Variants in CDH13 observed in about 807,000 individuals in gnomAD.
CDH13 encodes the protein cadherin 13, also known as cadherin-13.
In CDH13, 24 loss-of-function variants were observed where a neutral mutation model predicts 63.8. The observed-to-expected ratio is 0.38, with a 90% CI of 0.27 to 0.53. CDH13 has a LOEUF of 0.53. Ranked by LOEUF, CDH13 falls within the 20% of genes least tolerant of loss-of-function variation. CDH13 has a pLI of 0.85. For missense variants in CDH13, 1,049 were observed against 903.1 expected, an observed-to-expected ratio of 1.16 and a Z score of -2.07; for synonymous variants, 503 against 355.3, an observed-to-expected ratio of 1.42 and a Z score of -4.67.
At chr16:83,277,721 C>T (rs745411213) in intron 5 of CDH13, among the ~76,000 whole-genome samples, 3 of 152,012 alleles carry the variant, frequency 2.0e-5, no homozygotes, top group African/African-American at 4.8e-5. Context: ...GAAAGCCCTG[C>T]AATAGCCACT....
chr16:82,932,033 G>T (rs961904120), intron 2 of CDH13, among the ~76,000 whole-genome samples: 1 of 152,144 alleles, frequency 6.6e-6, no homozygotes, highest in African/African-American at 2.4e-5. Context: ...ACGATAGCTT[G>T]TGGGGGGAAA....
chr16:82,961,573 A>T (rs111631150), intron 2 of CDH13, among the ~76,000 whole-genome samples: 13 of 48,832 alleles, frequency 2.7e-4, no homozygotes, highest in African/African-American at 1.5e-3. Context: ...CAGGGGACTT[A>T]AAAAAAAAAA....
intron 3 of CDH13, among the ~76,000 whole-genome samples, chr16:83,078,308 T>C (rs28727330): frequency 0.08 from 12,180 of 152,198 alleles, 724 homozygotes; most frequent in African/African-American, 0.16. Context: ...CAGGGACTGG[T>C]TTCATGGAAG....
At chr16:83,182,560 C>A (rs1342453715) in intron 4 of CDH13, among the ~76,000 whole-genome samples, 1 of 152,160 alleles carries the variant, frequency 6.6e-6, no homozygotes, top group Non-Finnish European at 1.5e-5. Context: ...TTAAAGTCTG[C>A]GGACACTTGA....
rs34376129 is a variant in CDH13 at position 82,697,423 on chromosome 16, CTTTT to C, written c.45+70307_45+70310del. On this transcript the variant is annotated intron_variant, in intron 1 of 13. Coordinates refer to ENST00000567109, the MANE Select transcript of CDH13 (RefSeq NM_001257.5). ...AAGGGGGCCAAGGCATTTCTTTTTT[CTTTT>C]TTTTTTTTTTTTTTTTTTTTGAGAC... 5.6e-3 allele frequency among the ~76,000 whole-genome samples: 307 copies of C among 54,888 alleles called. 1 individual carries two copies. The South Asian group carries it at 0.082, about 15-fold the overall frequency. The allele number at this position is 54,888 out of a possible 152,430, so 36.0% of individuals were successfully genotyped here.
At chr16:83,376,166 T>G (rs937745236) in intron 6 of CDH13, among the ~76,000 whole-genome samples, 1 of 152,158 alleles carries the variant, frequency 6.6e-6, no homozygotes, top group Non-Finnish European at 1.5e-5. Flanking sequence ...TTTTAGCAAA[T>G]GAAGCTGCCC....
intron 3 of CDH13, among the ~76,000 whole-genome samples, chr16:83,032,783 T>G (rs532522210): frequency 1.3e-5 from 2 of 152,050 alleles, no homozygotes; most frequent in Non-Finnish European, 2.9e-5. Context: ...CAGGGCAGAG[T>G]CAGCCCTATT....
At chr16:82,862,189 G>T (rs940466095) in intron 2 of CDH13, among the ~76,000 whole-genome samples, 5 of 152,148 alleles carry the variant, frequency 3.3e-5, no homozygotes, top group African/African-American at 4.8e-5. Context: ...TGATCTGGGA[G>T]CTGACATCTT....
intron 10 of CDH13, among the ~76,000 whole-genome samples, chr16:83,684,806 T>C (rs1455568858): frequency 6.6e-6 from 1 of 152,248 alleles, no homozygotes; most frequent in Non-Finnish European, 1.5e-5. Context: ...TCAAGCATTT[T>C]ATCTGTGGGG....
chr16:82,665,016 G>A (rs573170942), intron 1 of CDH13, among the ~76,000 whole-genome samples: 8 of 152,170 alleles, frequency 5.3e-5, no homozygotes, highest in South Asian at 4.1e-4. Flanking sequence ...AGTGGTCATG[G>A]TAGTGTTGTG....
chr16:82,964,219 AG>A (rs1363109208), intron 2 of CDH13, among the ~76,000 whole-genome samples: 4 of 152,242 alleles, frequency 2.6e-5, no homozygotes, highest in Non-Finnish European at 5.9e-5. Context: ...AGAGAGGCAT[AG>A]GCTGATGTAA....
chr16:83,132,871 G>A (rs1337615938), intron 4 of CDH13, among the ~76,000 whole-genome samples: 3 of 152,178 alleles, frequency 2.0e-5, no homozygotes, highest in African/African-American at 7.2e-5. Context: ...GAACATCACA[G>A]TTTATTTCTA....
chr16:83,557,931 G>A (rs890319515), intron 7 of CDH13, among the ~76,000 whole-genome samples: 1 of 152,148 alleles, frequency 6.6e-6, no homozygotes, highest in Non-Finnish European at 1.5e-5. Context: ...TCTCTGGGGT[G>A]AAGGGTCTAT....
intron 10 of CDH13, among the ~76,000 whole-genome samples, chr16:83,742,431 T>A (rs1370071254): frequency 6.6e-6 from 1 of 152,158 alleles, no homozygotes; most frequent in Non-Finnish European, 1.5e-5. Flanking sequence ...TAATTTGATT[T>A]TTTTTTTCCT....
chr16:83,571,429 A>G (rs1904610965), intron 7 of CDH13, among the ~76,000 whole-genome samples: 2 of 152,212 alleles, frequency 1.3e-5, no homozygotes, highest in Admixed American at 1.3e-4. Context: ...CTGGCCCTTA[A>G]AGCAATAAGA....
At chr16:82,855,263 G>C (rs895289441) in intron 1 of CDH13, among the ~76,000 whole-genome samples, 6 of 152,260 alleles carry the variant, frequency 3.9e-5, no homozygotes, top group African/African-American at 1.4e-4. Context: ...CAGAGATTGA[G>C]CCACACATAG....
At chr16:82,847,002 C>G (rs2039286747) in intron 1 of CDH13, among the ~76,000 whole-genome samples, 1 of 152,210 alleles carries the variant, frequency 6.6e-6, no homozygotes, top group South Asian at 2.1e-4. Flanking sequence ...ACAGCCTTGT[C>G]AAAGCATTCC....
chr16:82,648,827 C>T (rs1219245213), intron 1 of CDH13, among the ~76,000 whole-genome samples: 3 of 152,098 alleles, frequency 2.0e-5, no homozygotes, highest in Non-Finnish European at 4.4e-5. Context: ...AAGGGAATAA[C>T]ATAATGGAAA....
chr16:82,697,275 G>A (rs1273705103), intron 1 of CDH13, among the ~76,000 whole-genome samples: 1 of 151,986 alleles, frequency 6.6e-6, no homozygotes, highest in Non-Finnish European at 1.5e-5. Flanking sequence ...AGGTGGTTTG[G>A]GTAAAGTTAA....
Sources: gnomAD v4.1 joint callset for allele counts (sites outside exome capture counted in the v4.1 genomes callset) on GRCh38, gnomAD v4.1.1 for gene constraint, MANE v1.5 for transcripts, NCBI Gene and HGNC (gene_info 2026-07-23, HGNC 2026-07-21) for gene names.